DLG2: variants seen among roughly 807,000 people sequenced by gnomAD.
DLG2 encodes the protein disks large homolog 2.
Under a neutral mutation model 132.5 loss-of-function variants are expected in DLG2, and 45 were observed. The observed-to-expected ratio is 0.34, with a 90% CI of 0.27 to 0.44. The LOEUF (loss-of-function observed/expected upper bound fraction) is 0.44, where lower values mean the gene tolerates loss of function less well. Among genes scored for constraint, DLG2 ranks in the 20% least tolerant of loss-of-function variants. The pLI, the probability that DLG2 is intolerant of heterozygous loss-of-function variation, is 1.00. For missense variants in DLG2, 1,045 were observed against 1,196.9 expected, an observed-to-expected ratio of 0.87 and a Z score of 1.87; for synonymous variants, 424 against 419.6, an observed-to-expected ratio of 1.01 and a Z score of -0.13.
chr11:84,905,404 C>G (rs1477190581), intron 6 of DLG2, among the ~76,000 whole-genome samples: 1 of 152,156 alleles, frequency 6.6e-6, no homozygotes, highest in Non-Finnish European at 1.5e-5. Flanking sequence ...CCCCAATAGA[C>G]TCTATGACTT....
At chr11:85,019,192 A>C (rs2059821864) in intron 6 of DLG2, among the ~76,000 whole-genome samples, 2 of 152,218 alleles carry the variant, frequency 1.3e-5, no homozygotes, top group Admixed American at 1.3e-4. Context: ...AAAACCATAC[A>C]TCCTTTTTAT....
At chr11:84,331,458 A>ATAAATAAATAAAT (rs1555509072) in intron 7 of DLG2, among the ~76,000 whole-genome samples, 1 of 139,134 alleles carries the variant, frequency 7.2e-6, no homozygotes, top group Non-Finnish European at 1.5e-5. Context: ...AAAAAAAAAA[A>ATAAATAAATAAAT]AAATAAATAA....
At chr11:83,717,809 A>G (rs2087118282) in intron 18 of DLG2, among the ~76,000 whole-genome samples, 1 of 152,196 alleles carries the variant, frequency 6.6e-6, no homozygotes, top group Admixed American at 6.5e-5. Flanking sequence ...ACACAGAAAA[A>G]AAGGTGGCCT....
At chr11:84,517,771 G>A (rs913850639) in intron 7 of DLG2, among the ~76,000 whole-genome samples, 4 of 151,862 alleles carry the variant, frequency 2.6e-5, no homozygotes, top group Admixed American at 2.6e-4. Flanking sequence ...ATGGATGAAC[G>A]GATAAAGAAA....
At chr11:84,409,833 G>A (rs79357539) in intron 7 of DLG2, among the ~76,000 whole-genome samples, 3,352 of 152,000 alleles carry the variant, frequency 0.022, 113 homozygotes, top group East Asian at 0.071. Context: ...TGTTATAAAC[G>A]TAGCACAATT....
chr11:83,902,068 G>A (rs767862106), intron 15 of DLG2, among the ~76,000 whole-genome samples: 5 of 151,366 alleles, frequency 3.3e-5, no homozygotes, highest in South Asian at 2.1e-4. Context: ...CAAAGTAATC[G>A]TGCTAAACAC....
chr11:83,563,175 C>A (rs180987102), intron 19 of DLG2, among the ~76,000 whole-genome samples: 29 of 152,036 alleles, frequency 1.9e-4, no homozygotes, highest in African/African-American at 6.5e-4. Context: ...GACAGGGTTT[C>A]ACCATGTTAG....
chr11:83,848,309 C>T (rs971404672), intron 16 of DLG2, among the ~76,000 whole-genome samples: 2 of 152,004 alleles, frequency 1.3e-5, no homozygotes, highest in Admixed American at 6.6e-5. Flanking sequence ...CAGATTAGTG[C>T]CTGGTACAGA....
intron 18 of DLG2, chr11:83,681,702 TG>T (rs1187626989): frequency 6.6e-6 from 1 of 152,216 alleles, no homozygotes; most frequent in African/African-American, 2.4e-5. Flanking sequence ...GATTGCAATT[TG>T]AATCTTGCCT....
rs1286878921 is a variant in DLG2, at chr11:83,459,939, AAC to A, written c.2822-17_2822-16del. 2 of 1,375,344 alleles carry A rather than the reference AAC, an allele frequency of 1.5e-6. No homozygotes were observed. Among genetic ancestry groups the A allele is most frequent in the African/African-American group, 1.4e-5 (1 of 69,890 alleles). 85.2% of individuals were successfully genotyped at this position (1,375,344 alleles called of 1,614,324 possible). On this transcript the variant is annotated splice_polypyrimidine_tract_variant and intron_variant, in intron 27 of 27. Coordinates refer to ENST00000376104, the MANE Select transcript of DLG2 (RefSeq NM_001142699.3). Reference sequence around the variant, plus strand: ...TTGGACAATAGCTGTAACAAAAGCAAACACACCCAGAATTAGAAATAATTTCC... The same window carrying A: ...TTGGACAATAGCTGTAACAAAAGCAAACACCCAGAATTAGAAATAATTTCC...
chr11:85,579,499 G>A (rs925801675), intron 3 of DLG2, among the ~76,000 whole-genome samples: 5 of 152,168 alleles, frequency 3.3e-5, no homozygotes, highest in South Asian at 4.1e-4. Context: ...AGGTGGACAC[G>A]ATCAGGTATG....
intron 4 of DLG2, among the ~76,000 whole-genome samples, chr11:85,209,613 T>G (rs1400019234): frequency 6.8e-6 from 1 of 147,840 alleles, no homozygotes; most frequent in Non-Finnish European, 1.5e-5. Flanking sequence ...TTTTTTTTTG[T>G]ATGTTCAGTA....
chr11:85,317,901 C>G (rs2152818572), intron 3 of DLG2, among the ~76,000 whole-genome samples: 1 of 151,532 alleles, frequency 6.6e-6, no homozygotes, highest in East Asian at 1.9e-4. Context: ...TACCCTGAAC[C>G]TAAAAAAAAA....
At chr11:84,195,362 A>C (rs1327832482) in intron 8 of DLG2, among the ~76,000 whole-genome samples, 1 of 151,878 alleles carries the variant, frequency 6.6e-6, no homozygotes, top group African/African-American at 2.4e-5. Context: ...ACGGGGTTTC[A>C]CCCATGTTGG....
At chr11:83,652,906 T>C (rs1349589595) in intron 18 of DLG2, among the ~76,000 whole-genome samples, 1 of 152,232 alleles carries the variant, frequency 6.6e-6, no homozygotes, top group Non-Finnish European at 1.5e-5. Flanking sequence ...TCACACCTTC[T>C]AGGTTTTATA....
intron 18 of DLG2, among the ~76,000 whole-genome samples, chr11:83,752,235 T>G (rs903869863): frequency 7.4e-5 from 11 of 149,604 alleles, no homozygotes; most frequent in Admixed American, 6.7e-4. Context: ...GCCACTGCAC[T>G]CCAGCCTGGT....
chr11:84,044,877 G>A (rs2096205378), intron 11 of DLG2, among the ~76,000 whole-genome samples: 1 of 151,730 alleles, frequency 6.6e-6, no homozygotes, highest in Non-Finnish European at 1.5e-5. Flanking sequence ...AGGGAAATGG[G>A]AGTCAGGTAG....
chr11:85,557,400 A>C (rs1403943146), intron 3 of DLG2, among the ~76,000 whole-genome samples: 2 of 151,906 alleles, frequency 1.3e-5, no homozygotes, highest in East Asian at 3.8e-4. Context: ...ATACAGATTC[A>C]ATACTATTCC....
At chr11:84,717,970 T>G (rs2061411315) in intron 6 of DLG2, among the ~76,000 whole-genome samples, 1 of 152,072 alleles carries the variant, frequency 6.6e-6, no homozygotes, top group South Asian at 2.1e-4. Flanking sequence ...CTTTGAAACT[T>G]AAGCCTGTCT....
Sources: allele counts gnomAD v4.1 joint callset (sites outside exome capture counted in the v4.1 genomes callset), GRCh38; gene constraint gnomAD v4.1.1; transcripts MANE v1.5; gene names NCBI Gene and HGNC (gene_info 2026-07-23, HGNC 2026-07-21).